The following HACE1 variants were observed in gnomAD, a reference collection of about 807,000 sequenced individuals.
HACE1 encodes HECT domain and ankyrin repeat containing E3 ubiquitin protein ligase 1.
Under a neutral mutation model 118.4 loss-of-function variants are expected in HACE1, and 73 were observed. The ratio of observed to expected loss-of-function variants is 0.62; its 90% CI spans 0.51 to 0.75. The LOEUF is 0.75. HACE1 is among the 30% of genes least tolerant of loss of function. The pLI, the probability that HACE1 is intolerant of heterozygous loss-of-function variation, is 0.00. For synonymous variants in HACE1, 368 were observed against 374.8 expected, an observed-to-expected ratio of 0.98 and a Z score of 0.21; for missense variants, 749 against 1,102.2, an observed-to-expected ratio of 0.68 and a Z score of 4.54.
chr6:104,749,247 T>C (rs1030256638), intron 20 of HACE1, among the ~76,000 whole-genome samples: 3 of 152,110 alleles, frequency 2.0e-5, no homozygotes, highest in Non-Finnish European at 4.4e-5. Context: ...ATAGCTCAAA[T>C]AGTCCTCCAT....
At chr6:104,857,361 T>C (rs997295632) in intron 1 of HACE1, among the ~76,000 whole-genome samples, 3 of 151,760 alleles carry the variant, frequency 2.0e-5, no homozygotes, top group African/African-American at 7.2e-5. Flanking sequence ...ATGCCATTTT[T>C]GCCTATGTGG....
intron 1 of HACE1, among the ~76,000 whole-genome samples, chr6:104,856,257 T>A (rs1326777956): frequency 6.6e-6 from 1 of 152,088 alleles, no homozygotes; most frequent in Non-Finnish European, 1.5e-5. Flanking sequence ...GTGCTCAGAG[T>A]AATTAATTAT....
intron 1 of HACE1, among the ~76,000 whole-genome samples, chr6:104,854,253 T>TA: frequency 6.6e-6 from 1 of 152,290 alleles, no homozygotes; most frequent in Non-Finnish European, 1.5e-5. Flanking sequence ...TGGAGGAGAC[T>TA]AAAGAAACAT....
At chr6:104,731,211 C>A (rs973002740) in intron 22 of HACE1, 12 of 151,986 alleles carry the variant, frequency 7.9e-5, no homozygotes, top group African/African-American at 2.4e-4. Flanking sequence ...AAAAAAAATT[C>A]TATTGCTTTT....
intron 6 of HACE1, among the ~76,000 whole-genome samples, chr6:104,819,067 G>T (rs1200323237): frequency 1.3e-5 from 2 of 152,084 alleles, no homozygotes; most frequent in Admixed American, 6.5e-5. Flanking sequence ...AAAAACAAAA[G>T]GCCAAACAAA....
chr6:104,850,832 G>A, intron 3 of HACE1, 75 bp downstream of exon 3: 1 of 909,092 alleles, frequency 1.1e-6, no homozygotes, highest in South Asian at 1.3e-5. Context: ...CAGAAATATT[G>A]TGTGATAATG....
chr6:104,791,407 C>T, intron 11 of HACE1, 97 bp downstream of exon 11: 1 of 1,119,920 alleles, frequency 8.9e-7, no homozygotes, highest in South Asian at 1.2e-5. Context: ...ACCAAACTTA[C>T]AACCTGTTCA....
intron 7 of HACE1, 118 bp downstream of exon 7, chr6:104,811,193 T>G: frequency 4.7e-6 from 1 of 211,840 alleles, no homozygotes; most frequent in Non-Finnish European, 9.0e-6. Flanking sequence ...AACGTGTGTG[T>G]CTAGAAATAG....
intron 5 of HACE1, among the ~76,000 whole-genome samples, chr6:104,842,790 T>C (rs1775243825): frequency 6.6e-6 from 1 of 152,072 alleles, no homozygotes; most frequent in South Asian, 2.1e-4. Context: ...TTATCTCAAA[T>C]CATTCTACAC....
At chr6:104,737,333 G>A (rs1315414991) in intron 22 of HACE1, among the ~76,000 whole-genome samples, 1 of 149,980 alleles carries the variant, frequency 6.7e-6, no homozygotes, top group Non-Finnish European at 1.5e-5. Context: ...GAGCCAAGAT[G>A]GCCAAATAGG....
At chr6:104,737,443 G>C (rs993946845) in intron 22 of HACE1, among the ~76,000 whole-genome samples, 18 of 152,280 alleles carry the variant, frequency 1.2e-4, no homozygotes, top group African/African-American at 4.1e-4. Context: ...GGGAGTGGCA[G>C]ACAGTGGGCG....
intron 20 of HACE1, among the ~76,000 whole-genome samples, chr6:104,745,872 G>C (rs1055114084): frequency 3.4e-5 from 5 of 146,446 alleles, no homozygotes. Context: ...GAGAACTCTT[G>C]AGGGTTTCCG....
chr6:104,792,248 A>G (rs1783105892), intron 10 of HACE1, among the ~76,000 whole-genome samples: 1 of 152,194 alleles, frequency 6.6e-6, no homozygotes, highest in Non-Finnish European at 1.5e-5. Context: ...TTATGACTAT[A>G]CACAAATATA....
At chr6:104,777,174 C>G in intron 15 of HACE1, 32 bp downstream of exon 15, 2 of 1,547,166 alleles carry the variant, frequency 1.3e-6, no homozygotes, top group Non-Finnish European at 1.8e-6. Context: ...CTTTGTGCTT[C>G]ACACATATAT....
chr6:104,831,975 GAAGA>G (rs1192770271), intron 6 of HACE1, among the ~76,000 whole-genome samples: 12 of 53,546 alleles, frequency 2.2e-4, no homozygotes, highest in Admixed American at 1.1e-3. Flanking sequence ...GAAGAGAAGA[GAAGA>G]GAGGAAGGAA....
intron 5 of HACE1, among the ~76,000 whole-genome samples, chr6:104,838,506 C>A (rs1402272724): frequency 6.6e-6 from 1 of 151,920 alleles, no homozygotes; most frequent in Non-Finnish European, 1.5e-5. Context: ...GATATCCATA[C>A]ACAAAAAATG....
intron 1 of HACE1, among the ~76,000 whole-genome samples, chr6:104,859,151 G>A (rs1466772695): frequency 6.6e-6 from 1 of 152,074 alleles, no homozygotes; most frequent in African/African-American, 2.4e-5. Flanking sequence ...AGCCCGCCTG[G>A]CCCCCCGATG....
chr6:104,776,277 T>TA (rs1471722750), intron 17 of HACE1, among the ~76,000 whole-genome samples: 1 of 152,222 alleles, frequency 6.6e-6, no homozygotes. Flanking sequence ...CAATATATTT[T>TA]AAAACTTGGA....
Position 104,795,158 on chromosome 6 carries a change from T to A in HACE1, c.923+421A>T, listed in dbSNP as rs372205019. Among the ~76,000 whole-genome samples, 16 of 152,160 alleles carry A rather than the reference T, an allele frequency of 1.1e-4. No individual in the cohort carries two copies. The East Asian group carries it at 3.1e-3, about 29-fold the overall frequency. On this transcript the variant is annotated intron_variant, in intron 10 of 23. Transcript: ENST00000262903. ...TTTTAGAAATAATAAAGAACTTAAC[T>A]GAGGGGGACAGGTCAGAGAAAAAAA...
Sources: allele counts gnomAD v4.1 joint callset (sites outside exome capture counted in the v4.1 genomes callset), GRCh38; gene constraint gnomAD v4.1.1; transcripts MANE v1.5; gene names NCBI Gene and HGNC (gene_info 2026-07-23, HGNC 2026-07-21).